The following ATG16L2 variants were observed in gnomAD, a reference collection of about 807,000 sequenced individuals.
ATG16L2 encodes autophagy related 16 like 2.
Under a neutral mutation model 84.7 loss-of-function variants are expected in ATG16L2, and 77 were observed. That is an observed-to-expected ratio of 0.91 (90% CI 0.76 to 1.10). ATG16L2 has a LOEUF of 1.10. Among genes scored for constraint, ATG16L2 ranks in the 50% least tolerant of loss-of-function variants. ATG16L2 has a pLI of 0.00. For missense variants in ATG16L2, 782 were observed against 817.6 expected, an observed-to-expected ratio of 0.96 and a Z score of 0.53; for synonymous variants, 361 against 342.8, an observed-to-expected ratio of 1.05 and a Z score of -0.59.
downstream of ATG16L2, among the ~76,000 whole-genome samples, chr11:72,831,207 G>GT (rs1860598956): frequency 6.6e-6 from 1 of 152,186 alleles, no homozygotes; most frequent in Admixed American, 6.5e-5. Flanking sequence ...TTATTAAGTG[G>GT]TTAAATTCTC....
At chr11:72,833,214 T>G (rs113016055), downstream of ATG16L2, among the ~76,000 whole-genome samples, 2 of 152,254 alleles carry the variant, frequency 1.3e-5, no homozygotes, top group African/African-American at 4.8e-5. Context: ...ATTTGCTGAA[T>G]TGAATAGAGG....
intron 1 of ATG16L2, among the ~76,000 whole-genome samples, chr11:72,815,617 G>T (rs1212541339): frequency 1.3e-5 from 2 of 151,960 alleles, no homozygotes; most frequent in Non-Finnish European, 2.9e-5. Flanking sequence ...AGATCACATC[G>T]CTAAGCCTCA....
At chr11:72,815,014 G>A (rs1859625330) in intron 1 of ATG16L2, among the ~76,000 whole-genome samples, 1 of 152,254 alleles carries the variant, frequency 6.6e-6, no homozygotes, top group Admixed American at 6.5e-5. Flanking sequence ...CCTCTAAGGA[G>A]GAGGCTGTGC....
intron 3 of ATG16L2, chr11:72,821,108 A>T: frequency 2.0e-6 from 1 of 501,248 alleles, no homozygotes; most frequent in Non-Finnish European, 2.6e-6. Flanking sequence ...AGGGTGATGC[A>T]GTTAGGTAGG....
In ATG16L2 at chr11:72,822,803, C is replaced by T. The variant is rs780553708; in HGVS notation, c.711-45C>T. The T allele has an allele frequency of 7.0e-6, 10 of 1,429,428 alleles. No homozygotes were observed. The East Asian group carries it at 2.5e-4, about 35-fold the overall frequency. 88.5% of individuals were successfully genotyped at this position (1,429,428 alleles called of 1,614,324 possible). A position where few individuals can be genotyped will look rare whatever the true frequency, so the allele number is the denominator to read the frequency against. Reference sequence around the variant, plus strand: ...TATCCTGTGCTGGGGTCGGGAGGGGCTGGCTTGGTCCCTTGGCCTTTCTGA... The same window carrying T: ...TATCCTGTGCTGGGGTCGGGAGGGGTTGGCTTGGTCCCTTGGCCTTTCTGA... On this transcript the variant is annotated intron_variant, in intron 6 of 17. Transcript: ENST00000321297. This position sits in a 1 kb window ranked among gnomAD's most constrained non-coding sequence, Gnocchi z 4.2.
intron 3 of ATG16L2, chr11:72,821,150 C>G: frequency 1.1e-6 from 1 of 916,668 alleles, no homozygotes; most frequent in South Asian, 5.0e-5. Flanking sequence ...AGCTACGTGA[C>G]TTTGGGCAAG....
chr11:72,814,473 C>A lies in ATG16L2; in HGVS notation c.28C>A (p.Pro10Thr). MAGPGVPGA[P>T]AARWKRHIVR... ...GGCGGGGCCGGGCGTCCCCGGTGCC[C>A]CCGCAGCGCGCTGGAAACGCCACAT... The change falls in exon 1 of 18, where the codon CCC (proline) becomes ACC (threonine). Residue 10 changes from proline to threonine, a missense_variant. Physicochemically the swap from Pro to Thr is conservative, Grantham distance 38. Coordinates refer to ENST00000321297, the MANE Select transcript of ATG16L2 (RefSeq NM_033388.2). The A allele has an allele frequency of 6.6e-7, 1 of 1,518,232 alleles. No individual in the cohort carries two copies. The highest frequency in any genetic ancestry group is 8.9e-7 in the Non-Finnish European group (1 of 1,128,932). 94.0% of individuals were successfully genotyped at this position (1,518,232 alleles called of 1,614,324 possible).
At chr11:72,819,507 G>A (rs994027779) in intron 3 of ATG16L2, among the ~76,000 whole-genome samples, 6 of 152,210 alleles carry the variant, frequency 3.9e-5, no homozygotes, top group South Asian at 2.1e-4. Context: ...GTAAAAGCCC[G>A]TCTTACTACC....
At position 72,826,690 on chromosome 11, in the gene ATG16L2, G is replaced by GA; in HGVS notation, c.1246-13_1246-12insA. The GA allele has an allele frequency of 6.2e-7, 1 of 1,614,138 alleles. No individual in the cohort carries two copies. The highest frequency in any genetic ancestry group is 8.5e-7 in the Non-Finnish European group (1 of 1,180,012). ...GGCCAAACTCTTGATCCGTACCTGG[G>GA]GCCGGGGTACAGGAGACACTGTCTG... is the stretch of plus-strand genomic sequence containing the variant. On this transcript the variant is annotated splice_polypyrimidine_tract_variant and intron_variant, in intron 12 of 17. Coordinates refer to ENST00000321297, the MANE Select transcript of ATG16L2 (RefSeq NM_033388.2).
At position 72,824,720 on chromosome 11, in the gene ATG16L2, C is replaced by T. The variant is rs758352282; in HGVS notation, c.888-14C>T. 6.2e-7 allele frequency: 1 copy of T among 1,609,314 alleles called. No individual in the cohort carries two copies. The highest frequency in any genetic ancestry group is 8.5e-7 in the Non-Finnish European group (1 of 1,175,752). On this transcript the variant is annotated splice_polypyrimidine_tract_variant and intron_variant, in intron 8 of 17. Transcript: ENST00000321297. ...TGCTGAATGCCCTCCTGACCCCAAC[C>T]CACCTTACCCCAGTTTTAAGAAGAG...
At position 72,822,070 on chromosome 11, in the gene ATG16L2, C is replaced by T. The variant is rs1249439253; in HGVS notation, c.419C>T (p.Ala140Val). The change falls in exon 5 of 18, where the codon GCG becomes GTG. Residue 140 changes from alanine (A) to valine (V), a missense_variant. By Grantham distance (64) the Ala-to-Val change is moderately conservative (BLOSUM62 0). Coordinates refer to ENST00000321297, the MANE Select transcript of ATG16L2 (RefSeq NM_033388.2). This position sits in a 1 kb window ranked among gnomAD's most constrained non-coding sequence, Gnocchi z 4.2. ...CTGGCAGCCCTGGAGGCCCGCGTGGCGCAGCTGCGAGAGGCGCGGGCGCAG... is the reference window on the plus strand; with the variant it reads ...CTGGCAGCCCTGGAGGCCCGCGTGGTGCAGCTGCGAGAGGCGCGGGCGCAG... ...SRLAALEARV[A>V]QLREARAQQA... 1.3e-6 allele frequency: 2 copies of T among 1,524,758 alleles called. No individual in the cohort carries two copies. Among genetic ancestry groups the T allele is most frequent in the South Asian group, 1.2e-5 (1 of 81,504 alleles). 94.5% of individuals were successfully genotyped at this position (1,524,758 alleles called of 1,614,324 possible).
chr11:72,821,328 T>C (rs1859979834), intron 3 of ATG16L2: 1 of 1,110,054 alleles, frequency 9.0e-7, no homozygotes, highest in Non-Finnish European at 1.1e-6. Context: ...TCGCAGTGGT[T>C]ATGCATGGTG....
chr11:72,824,868 G>T (rs1188743796), intron 9 of ATG16L2, 26 bp downstream of exon 9: 2 of 1,547,832 alleles, frequency 1.3e-6, no homozygotes, highest in Admixed American at 1.9e-5. Flanking sequence ...AGCCACATGG[G>T]TGGGGCAGTG....
rs1859600181 is a variant in ATG16L2, at chr11:72,814,657, G to A, written c.118+94G>A. The A allele has an allele frequency of 1.6e-5, 17 of 1,050,978 alleles. No homozygotes were observed. The South Asian group carries it at 2.2e-4, about 13-fold the overall frequency. 65.1% of individuals were successfully genotyped at this position (1,050,978 alleles called of 1,614,324 possible). A position where few individuals can be genotyped will look rare whatever the true frequency, so the allele number is the denominator to read the frequency against. On this transcript the variant is annotated intron_variant, in intron 1 of 17. Coordinates refer to ENST00000321297, the MANE Select transcript of ATG16L2 (RefSeq NM_033388.2). The stretch of plus-strand genomic sequence containing the variant: ...TGGCTGGCTCCTCCGCCTGTGACCC[G>A]AGTGCGCTGTGCCTTATGCCTTGAG...
chr11:72,826,600 AC>A lies in ATG16L2; in HGVS notation c.1245+12del. The A allele has an allele frequency of 6.2e-7, 1 of 1,614,056 alleles. No individual in the cohort carries two copies. The highest frequency in any genetic ancestry group is 8.5e-7 in the Non-Finnish European group (1 of 1,179,984). ...GAGGCACAGTCCAAGGTGAGGCCTG[AC>A]TGGGGAGGCTGCCTGGAGGTCAGAG... On this transcript the variant is annotated intron_variant, in intron 12 of 17. Transcript: ENST00000321297.
Position 72,822,127 on chromosome 11 carries a change from A to T in ATG16L2, c.476A>T (p.Gln159Leu). The T allele has an allele frequency of 6.6e-7, 1 of 1,511,560 alleles. No homozygotes were observed. The highest frequency in any genetic ancestry group is 1.4e-5 in the African/African-American group (1 of 70,986). 93.6% of individuals were successfully genotyped at this position (1,511,560 alleles called of 1,614,324 possible). The change falls in exon 5 of 18, where the codon CAG (glutamine) becomes CTG (leucine). Residue 159 changes from glutamine (Q) to leucine (L), a missense_variant. By Grantham distance (113) the Gln-to-Leu change is moderately radical. Coordinates refer to ENST00000321297, the MANE Select transcript of ATG16L2 (RefSeq NM_033388.2). The surrounding 1 kb of genome is among the most constrained non-coding windows in gnomAD (Gnocchi z 4.2). The part of the protein sequence containing the change: ...QAQQVEEWRA[Q>L]NAVQRAAYEA... ...CAGCAGGTGGAGGAGTGGCGGGCGC[A>T]GAATGCGGTGCAGCGGGCAGCCTAC... is the stretch of plus-strand genomic sequence containing the variant.
rs1860088731 is a variant in ATG16L2, at chr11:72,822,766, C to T, written c.711-82C>T. ...ACAGAACCCTCATCACTGGGAATTCCTGTCTTCAGCGTATCCTGTGCTGGG... is the reference window on the plus strand; with the variant it reads ...ACAGAACCCTCATCACTGGGAATTCTTGTCTTCAGCGTATCCTGTGCTGGG... On this transcript the variant is annotated intron_variant, in intron 6 of 17. Transcript: ENST00000321297. The surrounding 1 kb of genome is among the most constrained non-coding windows in gnomAD (Gnocchi z 4.2). 2.6e-6 allele frequency: 3 copies of T among 1,174,604 alleles called. No individual in the cohort carries two copies. Among genetic ancestry groups the T allele is most frequent in the Non-Finnish European group, 3.6e-6 (3 of 831,934 alleles). The allele number at this position is 1,174,604 out of a possible 1,614,324, so 72.8% of individuals were successfully genotyped here.
downstream of ATG16L2, among the ~76,000 whole-genome samples, chr11:72,830,694 C>G (rs1183172012): frequency 3.3e-5 from 5 of 152,202 alleles, no homozygotes; most frequent in Admixed American, 1.3e-4. Flanking sequence ...AGTTCCCCTG[C>G]TGCCTTCAGA....
chr11:72,843,338 A>G (rs1469843475), exon 6 of ATG16L2: 2 of 1,610,290 alleles, frequency 1.2e-6, no homozygotes, highest in South Asian at 2.2e-5. Context: ...CCTGGGTAAA[A>G]GACATGTGAC....
Sources: allele counts gnomAD v4.1 joint callset (sites outside exome capture counted in the v4.1 genomes callset), GRCh38; gene constraint gnomAD v4.1.1; non-coding constraint Gnocchi (gnomAD v3.1); transcripts MANE v1.5; gene names NCBI Gene and HGNC (gene_info 2026-07-23, HGNC 2026-07-21).